GRM7: variants seen among roughly 807,000 people sequenced by gnomAD.
The protein encoded by GRM7 is metabotropic glutamate receptor 7.
GRM7 carries 35 observed loss-of-function variants against 84.5 expected under a neutral mutation model. The ratio of observed to expected loss-of-function variants is 0.41; its 90% CI spans 0.32 to 0.55. The LOEUF (loss-of-function observed/expected upper bound fraction) is 0.55, where lower values mean the gene tolerates loss of function less well. GRM7 is among the 20% of genes least tolerant of loss of function. The probability of loss-of-function intolerance (pLI) is 0.19; values close to 1 mark genes in which losing one functional copy is unlikely to be tolerated. For missense variants in GRM7, 1,003 were observed against 1,194.6 expected, an observed-to-expected ratio of 0.84 and a Z score of 2.36; for synonymous variants, 487 against 455.1, an observed-to-expected ratio of 1.07 and a Z score of -0.89.
intron 7 of GRM7, among the ~76,000 whole-genome samples, chr3:7,471,059 T>TA (rs1177544038): frequency 6.6e-6 from 1 of 151,428 alleles, no homozygotes; most frequent in Non-Finnish European, 1.5e-5. Context: ...CTTCTTTATT[T>TA]AAAAAAAGTA....
chr3:7,582,886 A>AG (rs1291631355), intron 8 of GRM7, among the ~76,000 whole-genome samples: 1 of 152,194 alleles, frequency 6.6e-6, no homozygotes, highest in African/African-American at 2.4e-5. Context: ...AATGCGGCAT[A>AG]GAACTATTCA....
At chr3:7,679,959 C>A in intron 8 of GRM7, 90 bp from the exon 9 acceptor site, 1 of 1,204,848 alleles carries the variant, frequency 8.3e-7, no homozygotes. Context: ...TATCTCCTAG[C>A]CATAGTCGTT....
At chr3:7,213,418 C>A (rs193095388) in intron 2 of GRM7, among the ~76,000 whole-genome samples, 5 of 152,210 alleles carry the variant, frequency 3.3e-5, no homozygotes, top group Admixed American at 2.6e-4. Flanking sequence ...GGAGATCACC[C>A]GCTTCAATCT....
intron 8 of GRM7, among the ~76,000 whole-genome samples, chr3:7,613,940 A>C (rs1344086500): frequency 6.6e-6 from 1 of 152,198 alleles, no homozygotes; most frequent in Non-Finnish European, 1.5e-5. Flanking sequence ...AAAGTGCCTG[A>C]ACCTAAAGGC....
intron 1 of GRM7, among the ~76,000 whole-genome samples, chr3:7,088,387 A>G (rs182792935): frequency 7.9e-5 from 12 of 152,318 alleles, no homozygotes; most frequent in Non-Finnish European, 1.5e-4. Flanking sequence ...GTAAGCAAGA[A>G]TCTAAAATAG....
At chr3:7,142,544 A>G (rs1314475979) in intron 1 of GRM7, among the ~76,000 whole-genome samples, 1 of 152,092 alleles carries the variant, frequency 6.6e-6, no homozygotes, top group Non-Finnish European at 1.5e-5. Flanking sequence ...GGTGAGGGAA[A>G]CTGCTCTCAT....
At chr3:7,461,762 A>C (rs919366827) in intron 7 of GRM7, 40 bp downstream of exon 7, 2 of 1,590,952 alleles carry the variant, frequency 1.3e-6, no homozygotes, top group Non-Finnish European at 1.7e-6. Context: ...TGTTGAGATG[A>C]ATGAACAGAC....
chr3:7,471,657 A>G (rs1340360716), intron 7 of GRM7, among the ~76,000 whole-genome samples: 1 of 152,152 alleles, frequency 6.6e-6, no homozygotes, highest in African/African-American at 2.4e-5. Flanking sequence ...ATAATTCAAG[A>G]TAATCTCTCT....
chr3:7,350,702 G>T (rs1477365764), intron 4 of GRM7, among the ~76,000 whole-genome samples: 1 of 152,026 alleles, frequency 6.6e-6, no homozygotes, highest in Admixed American at 6.6e-5. Flanking sequence ...TATTACTTTG[G>T]ATCTTTTTTT....
At chr3:7,734,246 G>T (rs1260395572) in intron 9 of GRM7, among the ~76,000 whole-genome samples, 2 of 113,380 alleles carry the variant, frequency 1.8e-5, no homozygotes, top group African/African-American at 7.8e-5. Context: ...TTTGGCAGGG[G>T]CGGGGGGGGG....
intron 9 of GRM7, among the ~76,000 whole-genome samples, chr3:7,737,063 C>T (rs560634319): frequency 2.6e-4 from 40 of 152,146 alleles, no homozygotes; most frequent in East Asian, 1.9e-3. Context: ...ATCTGGGTTA[C>T]GCGTGTTCCA....
Position 7,680,130 on chromosome 3 carries a change from G to A in GRM7, c.2533G>A (p.Val845Met). ...GCTGGGGATGCTATACATGCCGAAA[G>A]TGTACATCATCATTTTCCACCCTGA... ...VALGMLYMPK[V>M]YIIIFHPELN... The change falls in exon 9 of 10, where the codon GTG becomes ATG. Residue 845 changes from valine to methionine, a missense_variant. Val to Met is a conservative substitution (Grantham distance 21). This residue lies in a region of GRM7 where 910 missense variants were observed against 1,126.0 expected (regional missense o/e 0.81). Transcript: ENST00000357716. 1 of 1,614,060 alleles carries A rather than the reference G, an allele frequency of 6.2e-7. No individual in the cohort carries two copies. Among genetic ancestry groups the A allele is most frequent in the South Asian group, 1.1e-5 (1 of 91,078 alleles).
chr3:7,312,316 G>T (rs952908254), intron 4 of GRM7, among the ~76,000 whole-genome samples: 5 of 152,088 alleles, frequency 3.3e-5, no homozygotes, highest in African/African-American at 1.2e-4. Context: ...CATGCTACTT[G>T]GCAGTGTCTT....
chr3:7,464,940 G>A (rs1243740546), intron 7 of GRM7, among the ~76,000 whole-genome samples: 1 of 152,064 alleles, frequency 6.6e-6, no homozygotes, highest in Non-Finnish European at 1.5e-5. Flanking sequence ...AGGTTGCAGT[G>A]AGCCGAGATC....
intron 9 of GRM7, among the ~76,000 whole-genome samples, chr3:7,724,433 C>T (rs1192151763): frequency 6.6e-6 from 1 of 152,148 alleles, no homozygotes; most frequent in African/African-American, 2.4e-5. Context: ...TTTCTATTTC[C>T]CACATTCAAT....
chr3:7,387,317 A>C (rs966955963), intron 4 of GRM7, among the ~76,000 whole-genome samples: 1 of 151,854 alleles, frequency 6.6e-6, no homozygotes, highest in Admixed American at 6.6e-5. Context: ...TCTATTTTTA[A>C]ATTTTGTTCC....
intron 7 of GRM7, among the ~76,000 whole-genome samples, chr3:7,568,933 C>T (rs1407156147): frequency 5.9e-5 from 9 of 152,148 alleles, no homozygotes; most frequent in Non-Finnish European, 1.0e-4. Context: ...CCCCCTGCTC[C>T]ACCGGTGCCC....
intron 4 of GRM7, among the ~76,000 whole-genome samples, chr3:7,338,383 T>A (rs1048511413): frequency 6.6e-6 from 1 of 151,868 alleles, no homozygotes; most frequent in East Asian, 1.9e-4. Flanking sequence ...AGACTACACA[T>A]TGGGTGCAGT....
At chr3:7,558,560 G>T (rs1693874291) in intron 7 of GRM7, among the ~76,000 whole-genome samples, 1 of 152,038 alleles carries the variant, frequency 6.6e-6, no homozygotes, top group Non-Finnish European at 1.5e-5. Context: ...TCATTATTAT[G>T]CTCAGAAAGT....
Sources: gnomAD v4.1 joint callset for allele counts (sites outside exome capture counted in the v4.1 genomes callset) on GRCh38, gnomAD v4.1.1 for gene constraint, gnomAD v4.1.1 regional missense constraint, MANE v1.5 for transcripts, NCBI Gene and HGNC (gene_info 2026-07-23, HGNC 2026-07-21) for gene names.